The following TAFA2 variants were observed in gnomAD, a reference collection of about 807,000 sequenced individuals.
The protein encoded by TAFA2 is chemokine-like protein TAFA-2.
TAFA2 carries 7 observed loss-of-function variants against 18.8 expected under a neutral mutation model. The ratio of observed to expected loss-of-function variants is 0.37; its 90% CI spans 0.21 to 0.70. TAFA2 has a LOEUF of 0.70. TAFA2 is among the 30% of genes least tolerant of loss of function. The pLI is 0.53. For missense variants in TAFA2, 122 were observed against 158.1 expected, an observed-to-expected ratio of 0.77 and a Z score of 1.23; for synonymous variants, 60 against 54.2, an observed-to-expected ratio of 1.11 and a Z score of -0.47.
chr12:62,138,262 C>T (rs68065049), intron 1 of TAFA2, among the ~76,000 whole-genome samples: 24,012 of 152,052 alleles, frequency 0.16, 1,977 homozygotes, highest in Middle Eastern at 0.19. Flanking sequence ...CCTGCCTAGG[C>T]AACACAGTGG....
At chr12:61,903,769 C>G (rs565058965) in intron 1 of TAFA2, among the ~76,000 whole-genome samples, 1 of 152,252 alleles carries the variant, frequency 6.6e-6, no homozygotes, top group Admixed American at 6.5e-5. Context: ...ATGTCAACTA[C>G]TGTATGTGAG....
intron 4 of TAFA2, among the ~76,000 whole-genome samples, chr12:61,726,129 G>A (rs1174872481): frequency 6.6e-6 from 1 of 151,360 alleles, no homozygotes; most frequent in Non-Finnish European, 1.5e-5. Context: ...AATGTTTTCA[G>A]GGACTCTTTT....
intron 2 of TAFA2, among the ~76,000 whole-genome samples, chr12:61,808,125 A>C (rs1253666220): frequency 6.6e-6 from 1 of 151,646 alleles, no homozygotes; most frequent in Non-Finnish European, 1.5e-5. Context: ...CTCATCTTGA[A>C]TTCCCACGTT....
intron 1 of TAFA2, among the ~76,000 whole-genome samples, chr12:62,058,976 G>C (rs895416694): frequency 6.6e-6 from 1 of 152,044 alleles, no homozygotes; most frequent in African/African-American, 2.4e-5. Context: ...GGTGGCGGGC[G>C]CCTGTAGTCT....
At chr12:61,951,240 G>A (rs190763150) in intron 1 of TAFA2, among the ~76,000 whole-genome samples, 3 of 152,290 alleles carry the variant, frequency 2.0e-5, no homozygotes, top group Admixed American at 6.5e-5. Flanking sequence ...TTCATATAAC[G>A]CTGTAAGAGT....
chr12:62,072,347 T>C (rs752187729), intron 1 of TAFA2, among the ~76,000 whole-genome samples: 5 of 152,006 alleles, frequency 3.3e-5, no homozygotes, highest in Non-Finnish European at 7.4e-5. Context: ...TGGGCACCTG[T>C]AGTCCCAGCT....
At chr12:62,108,320 TC>T (rs1379537790) in intron 1 of TAFA2, among the ~76,000 whole-genome samples, 2 of 152,192 alleles carry the variant, frequency 1.3e-5, no homozygotes, top group Non-Finnish European at 2.9e-5. Flanking sequence ...CATGAACTCA[TC>T]CCTTTTTTGG....
intron 1 of TAFA2, among the ~76,000 whole-genome samples, chr12:62,005,428 G>A (rs1157969687): frequency 6.6e-6 from 1 of 152,012 alleles, no homozygotes; most frequent in African/African-American, 2.4e-5. Context: ...GATTATTTGT[G>A]ACTTCAGAAT....
chr12:62,103,634 G>A lies in TAFA2; in HGVS notation c.-2+87625C>T, dbSNP rs373697736. Among the ~76,000 whole-genome samples the A allele has an allele frequency of 1.9e-4, 29 of 152,112 alleles. 1 individual carries two copies. The highest frequency in any genetic ancestry group is 8.5e-4 in the Admixed American group (13 of 15,280). ...CGTATGCCTGTAGTCCCAGCTACTC[G>A]GGAGCCTGAGGCAGGAGAACCGCTT... is the stretch of plus-strand genomic sequence containing the variant. On this transcript the variant is annotated intron_variant, in intron 1 of 4. Transcript: ENST00000416284.
chr12:61,908,106 A>G (rs1240623941), intron 1 of TAFA2, among the ~76,000 whole-genome samples: 3 of 152,040 alleles, frequency 2.0e-5, no homozygotes, highest in Non-Finnish European at 4.4e-5. Flanking sequence ...ATGAATTAAG[A>G]CTTTGGGGGA....
At chr12:61,716,250 T>C (rs79172187) in intron 4 of TAFA2, among the ~76,000 whole-genome samples, 2,061 of 152,312 alleles carry the variant, frequency 0.014, 38 homozygotes, top group African/African-American at 0.047. Flanking sequence ...TCTTCTCTGA[T>C]ACAGAATTCC....
intron 1 of TAFA2, among the ~76,000 whole-genome samples, chr12:62,100,854 T>A (rs1869166286): frequency 6.6e-6 from 1 of 152,098 alleles, no homozygotes; most frequent in Non-Finnish European, 1.5e-5. Context: ...CACAGTGGCA[T>A]AAAGGTAGGT....
Position 61,889,036 on chromosome 12 carries a change from G to T in TAFA2, c.-1-21610C>A, listed in dbSNP as rs1284525668. 2.0e-5 allele frequency among the ~76,000 whole-genome samples: 3 copies of T among 152,254 alleles called. No homozygotes were observed. In the East Asian group the frequency reaches 5.8e-4, roughly 29 times the overall value. On this transcript the variant is annotated intron_variant, in intron 1 of 4. Coordinates refer to ENST00000416284, the MANE Select transcript of TAFA2 (RefSeq NM_178539.5). ...GGCTGGCCTTGATTGCTAACTATCT[G>T]AGTGAGCTTAGGAAAGTTACCACAA...
intron 2 of TAFA2, among the ~76,000 whole-genome samples, chr12:61,831,547 A>G (rs1296031606): frequency 6.6e-6 from 1 of 152,054 alleles, no homozygotes; most frequent in African/African-American, 2.4e-5. Flanking sequence ...CCTCACTCCT[A>G]TGGAATTTCA....
At chr12:62,187,117 C>T (rs2062591417) in intron 1 of TAFA2, among the ~76,000 whole-genome samples, 1 of 152,106 alleles carries the variant, frequency 6.6e-6, no homozygotes, top group African/African-American at 2.4e-5. Context: ...GGTGTATATT[C>T]AATAAAGACA....
At chr12:62,224,977 C>G (rs1365888662) in intron 1 of TAFA2, among the ~76,000 whole-genome samples, 1 of 151,890 alleles carries the variant, frequency 6.6e-6, no homozygotes, top group Non-Finnish European at 1.5e-5. Flanking sequence ...GCCTGTAATC[C>G]CAGCTACTCA....
intron 1 of TAFA2, among the ~76,000 whole-genome samples, chr12:62,090,244 A>G (rs1000498966): frequency 6.6e-6 from 1 of 152,070 alleles, no homozygotes; most frequent in Non-Finnish European, 1.5e-5. Flanking sequence ...AAGAATTTCA[A>G]TTAATGGACT....
chr12:61,948,247 C>T (rs1374040685), intron 1 of TAFA2, among the ~76,000 whole-genome samples: 1 of 152,102 alleles, frequency 6.6e-6, no homozygotes, highest in African/African-American at 2.4e-5. Flanking sequence ...TGCCATTCCT[C>T]AGAGCAAAGA....
chr12:62,216,912 T>TA (rs2062738139), intron 1 of TAFA2, among the ~76,000 whole-genome samples: 1 of 152,200 alleles, frequency 6.6e-6, no homozygotes, highest in African/African-American at 2.4e-5. Context: ...GTATACCATA[T>TA]GCATTCCAGA....
Sources: gnomAD v4.1 joint callset for allele counts (sites outside exome capture counted in the v4.1 genomes callset) on GRCh38, gnomAD v4.1.1 for gene constraint, MANE v1.5 for transcripts, NCBI Gene and HGNC (gene_info 2026-07-23, HGNC 2026-07-21) for gene names.